DCLK2: variants seen among roughly 807,000 people sequenced by gnomAD.
DCLK2 encodes the protein doublecortin like kinase 2.
In DCLK2, 31 loss-of-function variants were observed where a neutral mutation model predicts 78.4. That is an observed-to-expected ratio of 0.40 (90% CI 0.30 to 0.53). The LOEUF is 0.53. DCLK2 is among the 20% of genes least tolerant of loss of function. The pLI, the probability that DCLK2 is intolerant of heterozygous loss-of-function variation, is 0.61. For synonymous variants in DCLK2, 407 were observed against 374.9 expected, an observed-to-expected ratio of 1.09 and a Z score of -0.99; for missense variants, 872 against 973.7, an observed-to-expected ratio of 0.90 and a Z score of 1.39.
chr4:150,128,983 G>A (rs921166854), intron 2 of DCLK2, among the ~76,000 whole-genome samples: 2 of 152,158 alleles, frequency 1.3e-5, no homozygotes, highest in African/African-American at 2.4e-5. Flanking sequence ...AGTAATGCTA[G>A]CATTGTGGGT....
chr4:150,198,399 C>T (rs938777456), intron 4 of DCLK2, among the ~76,000 whole-genome samples: 1 of 152,072 alleles, frequency 6.6e-6, no homozygotes, highest in Non-Finnish European at 1.5e-5. Context: ...CTGTATACTG[C>T]ATTTTGAATT....
chr4:150,079,506 C>G, intron 1 of DCLK2, 58 bp downstream of exon 1: 1 of 1,417,102 alleles, frequency 7.1e-7, no homozygotes, highest in Non-Finnish European at 9.3e-7. Context: ...GTGCAGTGGG[C>G]GTGAGCCGGC....
chr4:150,227,191 C>G (rs1366298009), intron 8 of DCLK2, among the ~76,000 whole-genome samples: 2 of 152,160 alleles, frequency 1.3e-5, no homozygotes, highest in Non-Finnish European at 2.9e-5. Flanking sequence ...ACTGTGTTCC[C>G]TCTCTAAGTT....
intron 14 of DCLK2, 46 bp downstream of exon 14, chr4:150,248,431 GC>G (rs769783015): frequency 6.7e-7 from 1 of 1,498,246 alleles, no homozygotes; most frequent in South Asian, 1.1e-5. Context: ...GTGCTCTGTG[GC>G]CAACAGCACG....
chr4:150,195,953 TTAA>T (rs1396309957), intron 3 of DCLK2, among the ~76,000 whole-genome samples: 2 of 152,158 alleles, frequency 1.3e-5, no homozygotes, highest in African/African-American at 4.8e-5. Context: ...TTTGTTGTTG[TTAA>T]TAATAATATT....
At chr4:150,226,007 CATT>C (rs1741580509) in intron 8 of DCLK2, among the ~76,000 whole-genome samples, 1 of 152,136 alleles carries the variant, frequency 6.6e-6, no homozygotes, top group Non-Finnish European at 1.5e-5. Context: ...TAACTGCTAA[CATT>C]ATTAATATGC....
At chr4:150,138,491 C>A (rs1489569867) in intron 2 of DCLK2, among the ~76,000 whole-genome samples, 1 of 152,170 alleles carries the variant, frequency 6.6e-6, no homozygotes, top group Non-Finnish European at 1.5e-5. Context: ...TGGCTGTAAT[C>A]CCAGGTACTT....
At chr4:150,211,120 G>T (rs149405914) in intron 5 of DCLK2, among the ~76,000 whole-genome samples, 4 of 152,190 alleles carry the variant, frequency 2.6e-5, no homozygotes, top group African/African-American at 4.8e-5. Context: ...GTCAAGACGC[G>T]TCCCAGGGCT....
chr4:150,194,318 T>C (rs1738705504), intron 3 of DCLK2, among the ~76,000 whole-genome samples: 1 of 152,168 alleles, frequency 6.6e-6, no homozygotes, highest in African/African-American at 2.4e-5. Flanking sequence ...GGCTACACCA[T>C]GTAGATTTGT....
intron 2 of DCLK2, among the ~76,000 whole-genome samples, chr4:150,159,784 G>C (rs542096503): frequency 8.5e-5 from 13 of 152,172 alleles, no homozygotes; most frequent in African/African-American, 3.1e-4. Context: ...ATTTGGATTA[G>C]ATGGGAGTTG....
chr4:150,239,532 T>C (rs769678603), intron 10 of DCLK2, among the ~76,000 whole-genome samples: 4 of 151,982 alleles, frequency 2.6e-5, no homozygotes, highest in Admixed American at 1.3e-4. Flanking sequence ...AGCCCAGAGG[T>C]TGAGGCTGCA....
intron 5 of DCLK2, among the ~76,000 whole-genome samples, chr4:150,208,406 GTT>G (rs1405179803): frequency 3.7e-3 from 21 of 5,678 alleles, no homozygotes; most frequent in Admixed American, 0.034. Context: ...TTTTGTTTTT[GTT>G]TTGTTTTGTT....
At chr4:150,100,934 T>A (rs569835294) in intron 1 of DCLK2, among the ~76,000 whole-genome samples, 1 of 152,280 alleles carries the variant, frequency 6.6e-6, no homozygotes, top group East Asian at 1.9e-4. Context: ...TACCCTTAAA[T>A]AGAAGACATT....
At chr4:150,249,958 T>C (rs557842603) in intron 15 of DCLK2, among the ~76,000 whole-genome samples, 61 of 152,242 alleles carry the variant, frequency 4.0e-4, no homozygotes, top group African/African-American at 1.4e-3. Context: ...GCTTCCACTC[T>C]TGTCTCTGCC....
At position 150,224,432 on chromosome 4, in the gene DCLK2, A is replaced by G; in HGVS notation, c.1242-69A>G. The G allele has an allele frequency of 2.1e-6, 3 of 1,450,020 alleles. 1 individual carries two copies. Among genetic ancestry groups the G allele is most frequent in the South Asian group, 2.6e-5 (2 of 76,260 alleles). 89.8% of individuals were successfully genotyped at this position (1,450,020 alleles called of 1,614,324 possible). A position where few individuals can be genotyped will look rare whatever the true frequency, so the allele number is the denominator to read the frequency against. ...AAAAAAAAAAAATTAAAGTATAAAA[A>G]AGAAAGAAAACAGGAATGATGGTAT... On this transcript the variant is annotated intron_variant, in intron 7 of 15. Transcript: ENST00000296550.
intron 8 of DCLK2, among the ~76,000 whole-genome samples, chr4:150,231,820 CT>C (rs1465834080): frequency 1.3e-5 from 2 of 152,128 alleles, no homozygotes; most frequent in Non-Finnish European, 2.9e-5. Context: ...GAAGAAAGTT[CT>C]TTTTTTCATA....
chr4:150,156,599 G>T (rs1735289977), intron 2 of DCLK2, among the ~76,000 whole-genome samples: 1 of 151,854 alleles, frequency 6.6e-6, no homozygotes, highest in Non-Finnish European at 1.5e-5. Flanking sequence ...AAGCCCCGAG[G>T]TTGAGGCTGC....
At chr4:150,114,346 G>A (rs965340308) in intron 2 of DCLK2, among the ~76,000 whole-genome samples, 12 of 152,220 alleles carry the variant, frequency 7.9e-5, no homozygotes, top group Admixed American at 2.0e-4. Flanking sequence ...GTGGAGTGTT[G>A]CGTTCTCCCA....
intron 15 of DCLK2, among the ~76,000 whole-genome samples, chr4:150,250,247 G>A (rs1743664420): frequency 6.6e-6 from 1 of 152,126 alleles, no homozygotes; most frequent in Non-Finnish European, 1.5e-5. Flanking sequence ...GACAACGATG[G>A]CCTTATTTTT....
Sources: gnomAD v4.1 joint callset for allele counts (sites outside exome capture counted in the v4.1 genomes callset) on GRCh38, gnomAD v4.1.1 for gene constraint, MANE v1.5 for transcripts, NCBI Gene and HGNC (gene_info 2026-07-23, HGNC 2026-07-21) for gene names.